Variants in CCDC171 observed in about 807,000 individuals in gnomAD.
CCDC171 encodes the protein coiled-coil domain containing 171.
A neutral mutation model predicts 168.2 loss-of-function variants in CCDC171; 177 were observed. The observed-to-expected ratio is 1.05, with a 90% CI of 0.93 to 1.19. The LOEUF is 1.19. Among genes scored for constraint, CCDC171 ranks in the 50% most tolerant of loss-of-function variants. The probability of loss-of-function intolerance (pLI) is 0.00; values close to 1 mark genes in which losing one functional copy is unlikely to be tolerated. For missense variants in CCDC171, 1,991 were observed against 1,539.0 expected (o/e 1.29, Z -4.91); for synonymous variants, 687 against 540.8 (o/e 1.27, Z -3.75).
intron 9 of CCDC171, among the ~76,000 whole-genome samples, chr9:15,667,866 A>G (rs991642188): frequency 6.6e-6 from 1 of 152,182 alleles, no homozygotes; most frequent in Non-Finnish European, 1.5e-5. Context: ...GCTTCCCTCT[A>G]GTATGACTTA....
At chr9:15,992,623 G>A (rs1832237822) in intron 3 of CCDC171, among the ~76,000 whole-genome samples, 1 of 152,144 alleles carries the variant, frequency 6.6e-6, no homozygotes, top group Admixed American at 6.5e-5. Flanking sequence ...GAAATAAAGG[G>A]TATTCAACTA....
At chr9:16,038,448 C>G (rs2149232), upstream of CCDC171, among the ~76,000 whole-genome samples, 2,597 of 152,100 alleles carry the variant, frequency 0.017, 90 homozygotes, top group African/African-American at 0.06. Flanking sequence ...GTTTGGAGCT[C>G]TGAAGATTGA....
At chr9:15,563,837 C>A (rs140549503) in intron 1 of CCDC171, 141 bp from the exon 2 acceptor site, 122 of 382,474 alleles carry the variant, frequency 3.2e-4, no homozygotes, top group African/African-American at 2.5e-3. Flanking sequence ...TTTTGGTGAT[C>A]TTCTGAGGTC....
chr9:16,004,324 A>C (rs1832638904), intron 3 of CCDC171, among the ~76,000 whole-genome samples: 1 of 152,122 alleles, frequency 6.6e-6, no homozygotes, highest in African/African-American at 2.4e-5. Context: ...ACCAGAAGTG[A>C]AAAATAACTG....
chr9:16,082,027 A>C, the CCDC171 span, among the ~76,000 whole-genome samples: 1 of 152,194 alleles, frequency 6.6e-6, no homozygotes, highest in Non-Finnish European at 1.5e-5. Flanking sequence ...CATAACTAAA[A>C]GAACCTTTAA....
intron 4 of CCDC171, among the ~76,000 whole-genome samples, chr9:15,590,789 C>G (rs1484652360): frequency 7.5e-6 from 1 of 133,160 alleles, no homozygotes; most frequent in East Asian, 2.3e-4. Flanking sequence ...TTCTTTCTTT[C>G]TTTCTTTCTT....
intron 1 of CCDC171, among the ~76,000 whole-genome samples, chr9:16,056,110 G>A (rs989715297): frequency 1.5e-4 from 23 of 152,066 alleles, no homozygotes; most frequent in Non-Finnish European, 1.5e-4. Context: ...AGATATTCAG[G>A]AAAAAAACCC....
intron 6 of CCDC171, among the ~76,000 whole-genome samples, chr9:16,029,341 A>C (rs1833329271): frequency 6.6e-6 from 1 of 152,218 alleles, no homozygotes; most frequent in Non-Finnish European, 1.5e-5. Flanking sequence ...TGTGATCCTG[A>C]TGTTCCCTCC....
chr9:15,604,239 G>T (rs1195830313), intron 6 of CCDC171, among the ~76,000 whole-genome samples: 1 of 151,996 alleles, frequency 6.6e-6, no homozygotes. Context: ...CTGTGCAGAA[G>T]CTCTTAAGTT....
intron 21 of CCDC171, among the ~76,000 whole-genome samples, chr9:15,823,331 A>C (rs897622160): frequency 6.6e-6 from 1 of 152,136 alleles, no homozygotes; most frequent in South Asian, 2.1e-4. Flanking sequence ...TAATAATAAT[A>C]AAATATTAAA....
At chr9:15,862,602 C>G (rs1042836888) in intron 23 of CCDC171, among the ~76,000 whole-genome samples, 7 of 150,750 alleles carry the variant, frequency 4.6e-5, no homozygotes, top group African/African-American at 1.7e-4. Context: ...TTCCTTGACT[C>G]TTTGTGTTGG....
chr9:15,870,008 G>C (rs994167805), intron 23 of CCDC171, among the ~76,000 whole-genome samples: 1 of 151,726 alleles, frequency 6.6e-6, no homozygotes, highest in African/African-American at 2.4e-5. Context: ...AATATCTTAG[G>C]CTTGGTGAAC....
chr9:15,623,444 T>G, intron 7 of CCDC171, 31 bp downstream of exon 7: 1 of 1,417,282 alleles, frequency 7.1e-7, no homozygotes. Context: ...ATAATATATA[T>G]GCGTACAAAC....
At chr9:16,079,476 G>A in the CCDC171 span, among the ~76,000 whole-genome samples, 2 of 152,202 alleles carry the variant, frequency 1.3e-5, no homozygotes, top group African/African-American at 4.8e-5. Flanking sequence ...GAGGATGAAG[G>A]CAGAGATCAG....
intron 24 of CCDC171, among the ~76,000 whole-genome samples, chr9:15,918,050 G>T (rs1003692910): frequency 1.3e-5 from 2 of 151,614 alleles, no homozygotes; most frequent in African/African-American, 4.8e-5. Flanking sequence ...TAGGTGAAGG[G>T]TTAAGAGAGT....
intron 10 of CCDC171, among the ~76,000 whole-genome samples, chr9:15,692,632 A>T (rs908231064): frequency 6.7e-6 from 1 of 149,554 alleles, no homozygotes; most frequent in African/African-American, 2.5e-5. Context: ...GGTTCACGCC[A>T]TTCTCCTGCC....
rs572406432 is a variant in CCDC171 at position 15,833,139 on chromosome 9, C to T, written c.3268-13563C>T. Reference sequence around the variant, plus strand: ...AGTAGCTGGGATTACAGGCACACACCATCATGTCTGGCTAATTGTTTTTGT... The same window carrying T: ...AGTAGCTGGGATTACAGGCACACACTATCATGTCTGGCTAATTGTTTTTGT... On this transcript the variant is annotated intron_variant, in intron 21 of 25. Coordinates refer to ENST00000380701, the MANE Select transcript of CCDC171 (RefSeq NM_173550.4). Among the ~76,000 whole-genome samples the T allele has an allele frequency of 1.1e-4, 17 of 152,162 alleles. No homozygotes were observed. In the South Asian group the frequency reaches 2.5e-3, roughly 22 times the overall value.
chr9:15,630,939 T>G (rs1257764013), intron 7 of CCDC171, among the ~76,000 whole-genome samples: 1 of 151,838 alleles, frequency 6.6e-6, no homozygotes, highest in East Asian at 1.9e-4. Context: ...CATAACGAAA[T>G]GAAGACAGAA....
chr9:15,891,402 T>A (rs76700525), intron 24 of CCDC171, among the ~76,000 whole-genome samples: 3,382 of 152,244 alleles, frequency 0.022, 131 homozygotes, highest in African/African-American at 0.078. Context: ...AAGACAATTT[T>A]TATATTGAAC....
Sources: allele counts gnomAD v4.1 joint callset (sites outside exome capture counted in the v4.1 genomes callset), GRCh38; gene constraint gnomAD v4.1.1; transcripts MANE v1.5; gene names NCBI Gene and HGNC (gene_info 2026-07-23, HGNC 2026-07-21).